Variants in CLIC5 observed in about 807,000 individuals in gnomAD.
The protein encoded by CLIC5 is CLIC family member 5.
Under a neutral mutation model 24.7 loss-of-function variants are expected in CLIC5, and 20 were observed. That is an observed-to-expected ratio of 0.81 (90% CI 0.57 to 1.18). The LOEUF (loss-of-function observed/expected upper bound fraction) is 1.18, where lower values mean the gene tolerates loss of function less well. CLIC5 is among the 50% of genes most tolerant of loss of function. CLIC5 has a pLI of 0.00. For missense variants in CLIC5, 341 were observed against 326.1 expected (o/e 1.05, Z -0.35); for synonymous variants, 159 against 135.6 (o/e 1.17, Z -1.20).
the CLIC5 span, among the ~76,000 whole-genome samples, chr6:46,123,393 T>TA: frequency 6.6e-6 from 1 of 152,204 alleles, no homozygotes; most frequent in African/African-American, 2.4e-5. Context: ...CTCTTCATGC[T>TA]AAAAATGCTC....
chr6:45,982,873 T>C (rs1393239237), intron 1 of CLIC5, among the ~76,000 whole-genome samples: 1 of 152,196 alleles, frequency 6.6e-6, no homozygotes, highest in Non-Finnish European at 1.5e-5. Flanking sequence ...TTATCTCTTT[T>C]CTGGGAATCA....
At position 46,032,013 on chromosome 6, in the gene CLIC5, T is replaced by C. The variant is rs573727416; in HGVS notation, c.540+47690A>G. On this transcript the variant is annotated intron_variant, in intron 1 of 5. Coordinates refer to the CLIC5 transcript ENST00000185206. ...TTTCCTGGAAGGCTAGATACTAAAT[T>C]GTAAATAGTGGTGTATTAGTCCATT... Among the ~76,000 whole-genome samples, 3 of 151,770 alleles carry C rather than the reference T, an allele frequency of 2.0e-5. No homozygotes were observed. In the South Asian group the frequency reaches 6.2e-4, roughly 32 times the overall value.
rs777258493 is a variant in CLIC5, at chr6:45,949,240, A to AG, written c.299+15dup. ...CCCTTCCCATTCAACAGCCCCAGAA[A>AG]GAAACAGATCCTTACTTTTCAGGGG... On this transcript the variant is annotated intron_variant, in intron 3 of 5. Coordinates refer to ENST00000339561, the MANE Select transcript of CLIC5 (RefSeq NM_016929.5). 6.2e-7 allele frequency: 1 copy of AG among 1,610,582 alleles called. No individual in the cohort carries two copies. The highest frequency in any genetic ancestry group is 1.1e-5 in the South Asian group (1 of 90,616).
the CLIC5 span, among the ~76,000 whole-genome samples, chr6:46,121,792 T>A: frequency 1.3e-5 from 2 of 152,040 alleles, no homozygotes; most frequent in Non-Finnish European, 2.9e-5. Flanking sequence ...TAGTCTCTGA[T>A]AAAACAGACT....
At chr6:46,078,266 A>G (rs1281911461) in intron 1 of CLIC5, among the ~76,000 whole-genome samples, 1 of 152,168 alleles carries the variant, frequency 6.6e-6, no homozygotes, top group East Asian at 1.9e-4. Flanking sequence ...AGGCTGAAGC[A>G]GGAGAATCAT....
At chr6:46,021,416 C>T (rs1767179755) in intron 1 of CLIC5, among the ~76,000 whole-genome samples, 1 of 152,108 alleles carries the variant, frequency 6.6e-6, no homozygotes, top group Non-Finnish European at 1.5e-5. Flanking sequence ...GCCCACTTAC[C>T]ATCTTCTGGG....
the CLIC5 span, among the ~76,000 whole-genome samples, chr6:46,111,400 C>T: frequency 6.6e-6 from 1 of 152,124 alleles, no homozygotes; most frequent in Non-Finnish European, 1.5e-5. Flanking sequence ...TAGACTGCTT[C>T]AGACATTCAC....
At chr6:46,018,305 G>A (rs1767078774), upstream of CLIC5, among the ~76,000 whole-genome samples, 1 of 152,178 alleles carries the variant, frequency 6.6e-6, no homozygotes, top group African/African-American at 2.4e-5. Context: ...TAAACAATGT[G>A]TGGTATGACT....
At chr6:45,987,644 G>T (rs749215012) in intron 1 of CLIC5, among the ~76,000 whole-genome samples, 1 of 152,128 alleles carries the variant, frequency 6.6e-6, no homozygotes, top group Non-Finnish European at 1.5e-5. Context: ...TCAAGATGCC[G>T]GCTAATTTGA....
At chr6:46,079,553 A>G (rs1226799487) in intron 1 of CLIC5, 3 of 660,118 alleles carry the variant, frequency 4.5e-6, no homozygotes, top group Non-Finnish European at 7.7e-6. Flanking sequence ...GTACACTCTA[A>G]TGACTGATTT....
At chr6:46,042,172 T>C (rs28485898) in intron 1 of CLIC5, among the ~76,000 whole-genome samples, 1 of 152,208 alleles carries the variant, frequency 6.6e-6, no homozygotes, top group Non-Finnish European at 1.5e-5. Context: ...TCACTCTTTT[T>C]AAAAATTAAA....
At chr6:45,927,812 A>G (rs760526889) in intron 4 of CLIC5, among the ~76,000 whole-genome samples, 95 of 152,180 alleles carry the variant, frequency 6.2e-4, no homozygotes, top group Non-Finnish European at 1.1e-3. Flanking sequence ...CTCATTATAG[A>G]AAATATACAT....
At chr6:45,967,813 A>G (rs1486856552) in intron 1 of CLIC5, among the ~76,000 whole-genome samples, 3 of 152,070 alleles carry the variant, frequency 2.0e-5, no homozygotes, top group Admixed American at 2.0e-4. Flanking sequence ...GAGAGGAACC[A>G]GGATCCTTTA....
intron 1 of CLIC5, among the ~76,000 whole-genome samples, chr6:46,028,777 T>A (rs576424953): frequency 2.0e-5 from 3 of 152,218 alleles, no homozygotes; most frequent in Admixed American, 6.5e-5. Context: ...GGTACATTTG[T>A]TACAACTGAC....
chr6:46,088,496 T>A, the CLIC5 span, among the ~76,000 whole-genome samples: 1 of 152,212 alleles, frequency 6.6e-6, no homozygotes, highest in African/African-American at 2.4e-5. Context: ...TCTTTCTGAT[T>A]ATGAAGATAG....
intron 1 of CLIC5, among the ~76,000 whole-genome samples, chr6:45,962,425 C>T (rs983931845): frequency 6.9e-6 from 1 of 144,732 alleles, no homozygotes; most frequent in Non-Finnish European, 1.5e-5. Flanking sequence ...GGCCTACCCA[C>T]ACTATAAAGG....
At chr6:46,080,145 T>C in exon 1 of CLIC5, 1 of 1,551,666 alleles carries the variant, frequency 6.4e-7, no homozygotes, top group Non-Finnish European at 8.7e-7. Context: ...GACATCATCA[T>C]AATGGGGACT....
Position 45,902,875 on chromosome 6 carries a change from C to A in CLIC5, c.*213G>T. 1 of 578,780 alleles carries A rather than the reference C, an allele frequency of 1.7e-6. No individual in the cohort carries two copies. The highest frequency in any genetic ancestry group is 3.0e-6 in the Non-Finnish European group (1 of 330,474). The allele number at this position is 578,780 out of a possible 1,614,324, so 35.9% of individuals were successfully genotyped here. A position where few individuals can be genotyped will look rare whatever the true frequency, so the allele number is the denominator to read the frequency against. On this transcript the variant is annotated 3_prime_UTR_variant, in exon 6 of 6. Coordinates refer to ENST00000339561, the MANE Select transcript of CLIC5 (RefSeq NM_016929.5). ...TGGCCGGCCGAAAGGTGGACTGTGT[C>A]TATCATTTCTGCTAGATTCCTATGT...
At chr6:46,062,224 C>G (rs1480286479) in intron 1 of CLIC5, among the ~76,000 whole-genome samples, 1 of 152,216 alleles carries the variant, frequency 6.6e-6, no homozygotes, top group African/African-American at 2.4e-5. Context: ...AGATTACTCA[C>G]CATATTCTTT....
Sources: allele counts gnomAD v4.1 joint callset (sites outside exome capture counted in the v4.1 genomes callset), GRCh38; gene constraint gnomAD v4.1.1; transcripts MANE v1.5; gene names NCBI Gene and HGNC (gene_info 2026-07-23, HGNC 2026-07-21).